The following ITPKB variants were observed in gnomAD, a reference collection of about 807,000 sequenced individuals.
ITPKB encodes IP3 3-kinase B.
ITPKB carries 13 observed loss-of-function variants against 69.4 expected under a neutral mutation model. That is an observed-to-expected ratio of 0.19 (90% confidence interval 0.12 to 0.30). The LOEUF (loss-of-function observed/expected upper bound fraction) is 0.30, where lower values mean the gene tolerates loss of function less well. ITPKB is among the 10% of genes least tolerant of loss of function. ITPKB has a pLI of 1.00. For synonymous variants in ITPKB, 584 were observed against 513.7 expected, an observed-to-expected ratio of 1.14 and a Z score of -1.85; for missense variants, 1,240 against 1,250.5, an observed-to-expected ratio of 0.99 and a Z score of 0.13.
intron 7 of ITPKB, 115 bp from the exon 8 acceptor site, chr1:226,635,001 G>A (rs1668802359): frequency 2.8e-6 from 2 of 721,298 alleles, no homozygotes; most frequent in South Asian, 1.9e-5. Flanking sequence ...ACAGTTGGGT[G>A]CCTGCAATTC....
chr1:226,737,702 G>A (rs975612221), intron 1 of ITPKB, 39 bp from the exon 2 acceptor site: 12 of 676,516 alleles, frequency 1.8e-5, no homozygotes, highest in Middle Eastern at 6.3e-4. Flanking sequence ...ACCCTGGAGG[G>A]CGCGCGGGGG....
intron 2 of ITPKB, among the ~76,000 whole-genome samples, chr1:226,685,501 C>G (rs1215065633): frequency 2.6e-5 from 4 of 152,196 alleles, no homozygotes; most frequent in South Asian, 2.1e-4. Context: ...ATTGACTGTC[C>G]CCTCTCCCAC....
Position 226,736,144 on chromosome 1 carries a change from G to C in ITPKB, c.1315C>G (p.Leu439Val), listed in dbSNP as rs775417113. 1 of 1,571,344 alleles carries C rather than the reference G, an allele frequency of 6.4e-7. No homozygotes were observed. The highest frequency in any genetic ancestry group is 1.8e-5 in the Admixed American group (1 of 55,752). The stretch of plus-strand genomic sequence containing the variant: ...GACCCTCCCTCCACTCTGTCGGAGA[G>C]CTGCCAACGCCCCCCGCCCACGGGG... ...GAPVGGGRWQ[L>V]SDRVEGGSPT... The change falls in exon 2 of 8, where the codon CTC becomes GTC. Residue 439 changes from leucine to valine, a missense_variant. Coordinates refer to ENST00000429204, the MANE Select transcript of ITPKB (RefSeq NM_002221.4).
At chr1:226,715,504 A>C (rs1306870580) in intron 2 of ITPKB, among the ~76,000 whole-genome samples, 1 of 152,254 alleles carries the variant, frequency 6.6e-6, no homozygotes, top group Non-Finnish European at 1.5e-5. Flanking sequence ...GGAAGAATGT[A>C]AGTTCACGGA....
intron 2 of ITPKB, among the ~76,000 whole-genome samples, chr1:226,656,314 G>A (rs1669286228): frequency 6.6e-6 from 1 of 152,204 alleles, no homozygotes; most frequent in African/African-American, 2.4e-5. Context: ...CCAGGAGGAG[G>A]GAGATCAAAC....
chr1:226,644,590 T>C (rs1018066705), intron 4 of ITPKB, among the ~76,000 whole-genome samples: 2 of 152,196 alleles, frequency 1.3e-5, no homozygotes, highest in East Asian at 3.9e-4. Context: ...ACTGAGCACA[T>C]GTCGGCGGGA....
chr1:226,664,549 G>GC (rs1233034566), intron 2 of ITPKB, among the ~76,000 whole-genome samples: 1 of 152,242 alleles, frequency 6.6e-6, no homozygotes, highest in Non-Finnish European at 1.5e-5. Flanking sequence ...TGCAGGCTCA[G>GC]CCCCTCCAAG....
At position 226,684,822 on chromosome 1, in the gene ITPKB, G is replaced by A. The variant is rs114632639; in HGVS notation, c.1933-36051C>T. 2.0e-3 allele frequency among the ~76,000 whole-genome samples: 300 copies of A among 152,264 alleles called. 1 individual carries two copies. Among genetic ancestry groups the A allele is most frequent in the African/African-American group, 6.8e-3 (283 of 41,542 alleles). ...GAGGGCCCCAAAGACGTCCCTAGAGGCACACAGGTGGGACCAGAGTCCAGA... is the reference window on the plus strand; with the variant it reads ...GAGGGCCCCAAAGACGTCCCTAGAGACACACAGGTGGGACCAGAGTCCAGA... On this transcript the variant is annotated intron_variant, in intron 2 of 7. Coordinates refer to ENST00000429204, the MANE Select transcript of ITPKB (RefSeq NM_002221.4).
intron 6 of ITPKB, among the ~76,000 whole-genome samples, chr1:226,638,126 C>T (rs1243806483): frequency 6.6e-6 from 1 of 152,226 alleles, no homozygotes; most frequent in Non-Finnish European, 1.5e-5. Context: ...ACACAGAGTT[C>T]CTCAATGCCT....
At chr1:226,636,151 T>A (rs911694427) in intron 7 of ITPKB, among the ~76,000 whole-genome samples, 1 of 152,198 alleles carries the variant, frequency 6.6e-6, no homozygotes, top group Non-Finnish European at 1.5e-5. Flanking sequence ...CAGAGCTCTG[T>A]GGCCTTAAGT....
At chr1:226,655,677 G>C (rs1291532374) in intron 2 of ITPKB, among the ~76,000 whole-genome samples, 2 of 152,236 alleles carry the variant, frequency 1.3e-5, no homozygotes, top group African/African-American at 4.8e-5. Flanking sequence ...CTTCTCCGCA[G>C]GAGGCCAAGC....
intron 2 of ITPKB, among the ~76,000 whole-genome samples, chr1:226,724,242 C>G (rs1657338681): frequency 6.6e-6 from 1 of 152,078 alleles, no homozygotes; most frequent in South Asian, 2.1e-4. Context: ...TCCACACTCC[C>G]CAGCAGACCA....
intron 2 of ITPKB, among the ~76,000 whole-genome samples, chr1:226,724,179 G>A (rs888718617): frequency 2.6e-5 from 4 of 152,036 alleles, no homozygotes; most frequent in African/African-American, 4.8e-5. Context: ...TTCAGCCCAC[G>A]CCAAGGTCTA....
At chr1:226,667,828 G>A (rs1425842298) in intron 2 of ITPKB, among the ~76,000 whole-genome samples, 1 of 102,604 alleles carries the variant, frequency 9.7e-6, no homozygotes, top group Non-Finnish European at 2.4e-5. Flanking sequence ...TGAGGAAAAT[G>A]TGTGTGTGTG....
chr1:226,682,072 C>T (rs1571856466), intron 2 of ITPKB, among the ~76,000 whole-genome samples: 1 of 152,232 alleles, frequency 6.6e-6, no homozygotes, highest in East Asian at 1.9e-4. Context: ...AGGACCACCA[C>T]TAGCTGAAGG....
intron 2 of ITPKB, among the ~76,000 whole-genome samples, chr1:226,714,671 ACT>A (rs1657053872): frequency 6.6e-6 from 1 of 152,074 alleles, no homozygotes; most frequent in African/African-American, 2.4e-5. Context: ...TCAAAATTCA[ACT>A]CCAATGGCAC....
At position 226,732,545 on chromosome 1, in the gene ITPKB, G is replaced by GTT. The variant is rs61106601; in HGVS notation, c.1932+2980_1932+2981dup. Among the ~76,000 whole-genome samples the GTT allele has an allele frequency of 1.2e-3, 163 of 135,734 alleles. 1 individual carries two copies. Among genetic ancestry groups the GTT allele is most frequent in the African/African-American group, 3.4e-3 (127 of 37,518 alleles). 89.0% of individuals were successfully genotyped at this position (135,734 alleles called of 152,430 possible). Reference sequence around the variant, plus strand: ...GAGCCACCGTGCCCAGCGTTCTTTTGTTTTTTTTTTTTTTGTACATATAAC... The same window carrying GTT: ...GAGCCACCGTGCCCAGCGTTCTTTTGTTTTTTTTTTTTTTTTGTACATATAAC... On this transcript the variant is annotated intron_variant, in intron 2 of 7. Transcript: ENST00000429204.
chr1:226,737,123 C>A lies in ITPKB; in HGVS notation c.336G>T (p.Gln112His), dbSNP rs776095130. 33 of 1,603,622 alleles carry A rather than the reference C, an allele frequency of 2.1e-5. No individual in the cohort carries two copies. In the Middle Eastern group the frequency reaches 4.9e-4, roughly 24 times the overall value. The change falls in exon 2 of 8, where the codon CAG (glutamine) becomes CAT (histidine). Residue 112 changes from glutamine (Q) to histidine (H), a missense_variant. Gln to His is a conservative substitution (Grantham distance 24). Around this residue, in one of 2 missense-constraint regions of ITPKB, gnomAD observed 992 missense variants for 853.8 expected, o/e 1.16. Coordinates refer to ENST00000429204, the MANE Select transcript of ITPKB (RefSeq NM_002221.4). Reference sequence around the variant, plus strand: ...GGGAGAGGGTACCGGCTGCCACCACCTGCTGCCGGTCCCCTCGCAGGCGAC... The same window carrying A: ...GGGAGAGGGTACCGGCTGCCACCACATGCTGCCGGTCCCCTCGCAGGCGAC... ...WAGRLRGDRQ[Q>H]VVAAGTLSPP...
chr1:226,686,016 T>C (rs970533221), intron 2 of ITPKB, among the ~76,000 whole-genome samples: 1 of 152,088 alleles, frequency 6.6e-6, no homozygotes, highest in African/African-American at 2.4e-5. Flanking sequence ...ACCTGAGACA[T>C]TATTGCAGAA....
Sources: allele counts gnomAD v4.1 joint callset (sites outside exome capture counted in the v4.1 genomes callset), GRCh38; gene constraint gnomAD v4.1.1; regional missense constraint gnomAD v4.1.1; transcripts MANE v1.5; gene names NCBI Gene and HGNC (gene_info 2026-07-23, HGNC 2026-07-21).